The following PBX1 variants were observed in gnomAD, a reference collection of about 807,000 sequenced individuals.
The protein encoded by PBX1 is PBX homeobox 1, also known as pre-B-cell leukemia transcription factor 1.
In PBX1, 6 loss-of-function variants were observed where a neutral mutation model predicts 53.4. That is an observed-to-expected ratio of 0.11 (90% CI 0.06 to 0.22). The LOEUF (loss-of-function observed/expected upper bound fraction) is 0.22. Among genes scored for constraint, PBX1 ranks in the 10% least tolerant of loss-of-function variants. The probability of loss-of-function intolerance (pLI) is 1.00; values close to 1 mark genes in which losing one functional copy is unlikely to be tolerated. For synonymous variants in PBX1, 204 were observed against 212.3 expected, an observed-to-expected ratio of 0.96 and a Z score of 0.34; for missense variants, 251 against 551.4, an observed-to-expected ratio of 0.46 and a Z score of 5.46.
intron 2 of PBX1, among the ~76,000 whole-genome samples, chr1:164,621,312 T>C (rs1041186995): frequency 3.3e-5 from 5 of 152,242 alleles, no homozygotes; most frequent in Admixed American, 3.3e-4. Context: ...ACAGTCTTCC[T>C]TCTCTTTCTG....
chr1:164,679,745 G>C (rs1661643838), intron 2 of PBX1, among the ~76,000 whole-genome samples: 1 of 152,182 alleles, frequency 6.6e-6, no homozygotes, highest in South Asian at 2.1e-4. Context: ...CTAAATTTAT[G>C]CACCTGTGAG....
intron 2 of PBX1, among the ~76,000 whole-genome samples, chr1:164,571,923 T>C (rs1653912035): frequency 1.6e-5 from 2 of 128,612 alleles, no homozygotes; most frequent in African/African-American, 2.8e-5. Flanking sequence ...ATATGCTTTT[T>C]TTTTTTTTTT....
Position 164,639,975 on chromosome 1 carries a change from A to T in PBX1, c.265+76664A>T, listed in dbSNP as rs572423318. ...ACTGTACCCAGCTGTGTTCTATATT[A>T]AAAAAAAAAAGAAATCCTATGGCCT... On this transcript the variant is annotated intron_variant, in intron 2 of 8. Transcript: ENST00000420696. Among the ~76,000 whole-genome samples the T allele has an allele frequency of 1.3e-4, 19 of 146,464 alleles. No individual in the cohort carries two copies. In the East Asian group the frequency reaches 3.4e-3, roughly 26 times the overall value.
Position 164,849,238 on chromosome 1 carries a change from A to G in PBX1, c.*2562A>G. 5 of 1,512,466 alleles carry G rather than the reference A, an allele frequency of 3.3e-6. No individual in the cohort carries two copies. In the South Asian group the frequency reaches 5.0e-5, roughly 15 times the overall value. The allele number at this position is 1,512,466 out of a possible 1,614,324, so 93.7% of individuals were successfully genotyped here. A position where few individuals can be genotyped will look rare whatever the true frequency, so the allele number is the denominator to read the frequency against. ...ATGCAAAAGATCAGAACAGGGCTAC[A>G]TTTGCACAGGCAGTTTCTCTCCGGG... On this transcript the variant is annotated 3_prime_UTR_variant, in exon 9 of 9. Transcript: ENST00000420696.
At chr1:164,742,347 G>A (rs1665656027) in intron 2 of PBX1, among the ~76,000 whole-genome samples, 1 of 152,156 alleles carries the variant, frequency 6.6e-6, no homozygotes, top group Non-Finnish European at 1.5e-5. Flanking sequence ...TTCAAGACCA[G>A]CCTGGCCAAC....
intron 2 of PBX1, among the ~76,000 whole-genome samples, chr1:164,629,488 G>T (rs1658269657): frequency 6.6e-6 from 1 of 152,128 alleles, no homozygotes; most frequent in South Asian, 2.1e-4. Flanking sequence ...CTAAAAGGGA[G>T]TCACAGAACT....
intron 7 of PBX1, among the ~76,000 whole-genome samples, 178 bp from the exon 8 acceptor site, chr1:164,821,359 A>G (rs571242660): frequency 3.0e-4 from 46 of 152,220 alleles, no homozygotes; most frequent in African/African-American, 9.4e-4. Context: ...AGAATTCTTT[A>G]TGGATTGGCA....
chr1:164,571,731 A>G (rs1441811611), intron 2 of PBX1, among the ~76,000 whole-genome samples: 1 of 151,370 alleles, frequency 6.6e-6, no homozygotes, highest in Non-Finnish European at 1.5e-5. Context: ...TCTCTGGATA[A>G]GGAGTGGAGT....
At chr1:164,587,046 G>C (rs1654996461) in intron 2 of PBX1, among the ~76,000 whole-genome samples, 1 of 152,160 alleles carries the variant, frequency 6.6e-6, no homozygotes, top group Non-Finnish European at 1.5e-5. Context: ...CAGCGAAATA[G>C]CAAGCCCATG....
chr1:164,711,308 T>C (rs558030201), intron 2 of PBX1, among the ~76,000 whole-genome samples: 1 of 152,142 alleles, frequency 6.6e-6, no homozygotes, highest in Non-Finnish European at 1.5e-5. Flanking sequence ...CTGTCGCCCA[T>C]GCTGGAGTGC....
At chr1:164,787,946 C>T (rs1668286381) in intron 2 of PBX1, among the ~76,000 whole-genome samples, 1 of 152,188 alleles carries the variant, frequency 6.6e-6, no homozygotes, top group Non-Finnish European at 1.5e-5. Context: ...CCACTGCAAT[C>T]AATGACATTT....
In PBX1 at chr1:164,870,341, CTTTCTTTCTTT is replaced by C. The variant is rs1558053851; in HGVS notation, n.258-28846_258-28836del. ...TCTTTCTTTCTTTCTTTCTTTCTTT[CTTTCTTTCTTT>C]CTTTCTTTCGAGATGAAGTCTTGCT... On this transcript the variant is annotated intron_variant and non_coding_transcript_variant, in intron 2 of 2. Coordinates refer to the PBX1 transcript ENST00000558796. Among the ~76,000 whole-genome samples, 54 of 104,134 alleles carry C rather than the reference CTTTCTTTCTTT, an allele frequency of 5.2e-4. 3 individuals are homozygous for C. Among genetic ancestry groups the C allele is most frequent in the African/African-American group, 2.2e-3 (53 of 24,156 alleles). The allele number at this position is 104,134 out of a possible 152,430, so 68.3% of individuals were successfully genotyped here.
intron 2 of PBX1, among the ~76,000 whole-genome samples, chr1:164,711,716 GGCTTGTTCCCTGCAA>G (rs1663792565): frequency 6.6e-6 from 1 of 152,152 alleles, no homozygotes; most frequent in Non-Finnish European, 1.5e-5. Flanking sequence ...CACATGCGTG[GGCTTGTTCCCTGCAA>G]GCTTAATCTT....
At chr1:164,608,920 A>C (rs1571057275) in intron 2 of PBX1, among the ~76,000 whole-genome samples, 1 of 152,312 alleles carries the variant, frequency 6.6e-6, no homozygotes, top group East Asian at 1.9e-4. Flanking sequence ...AATTTTTGTT[A>C]AGTATAAGAA....
chr1:164,672,423 A>G (rs1057094743), intron 2 of PBX1, among the ~76,000 whole-genome samples: 1 of 152,154 alleles, frequency 6.6e-6, no homozygotes, highest in Non-Finnish European at 1.5e-5. Flanking sequence ...GAGGGACCGC[A>G]GTGTACTTAG....
At position 164,847,725 on chromosome 1, in the gene PBX1, T is replaced by G. The variant is rs886905745; in HGVS notation, c.*1049T>G. 10 of 1,054,038 alleles carry G rather than the reference T, an allele frequency of 9.5e-6. No individual in the cohort carries two copies. The highest frequency in any genetic ancestry group is 1.1e-5 in the Non-Finnish European group (10 of 872,196). 65.3% of individuals were successfully genotyped at this position (1,054,038 alleles called of 1,614,324 possible). ...TTAATAACTGTAGCACTATGCCTTT[T>G]GAGCCCGAGAGAGGGAATTAGTGAC... On this transcript the variant is annotated 3_prime_UTR_variant, in exon 9 of 9. Coordinates refer to ENST00000420696, the MANE Select transcript of PBX1 (RefSeq NM_002585.4).
intron 2 of PBX1, among the ~76,000 whole-genome samples, chr1:164,858,162 A>T (rs866880768): frequency 6.6e-6 from 1 of 151,982 alleles, no homozygotes; most frequent in Non-Finnish European, 1.5e-5. Context: ...ATCATTTCTT[A>T]TTCACTTTTC....
At chr1:164,586,404 G>T (rs574715444) in intron 2 of PBX1, among the ~76,000 whole-genome samples, 3 of 152,216 alleles carry the variant, frequency 2.0e-5, no homozygotes, top group East Asian at 3.9e-4. Context: ...TTTCCAAGGT[G>T]GAATGGAAAC....
chr1:164,840,564 G>T (rs1304527591), intron 8 of PBX1, among the ~76,000 whole-genome samples: 1 of 152,146 alleles, frequency 6.6e-6, no homozygotes, highest in Non-Finnish European at 1.5e-5. Flanking sequence ...AGGATGGGTT[G>T]TCTTCTCCTT....
Sources: gnomAD v4.1 joint callset for allele counts (sites outside exome capture counted in the v4.1 genomes callset) on GRCh38, gnomAD v4.1.1 for gene constraint, MANE v1.5 for transcripts, NCBI Gene and HGNC (gene_info 2026-07-23, HGNC 2026-07-21) for gene names.